Variants in PTPRQ observed in about 807,000 individuals in gnomAD.
PTPRQ encodes phosphatidylinositol phosphatase PTPRQ.
A neutral mutation model predicts 246.0 loss-of-function variants in PTPRQ; 199 were observed. The ratio of observed to expected loss-of-function variants is 0.81; its 90% CI spans 0.72 to 0.91. PTPRQ has a LOEUF of 0.91. Ranked by LOEUF, PTPRQ falls within the 40% of genes least tolerant of loss-of-function variation. PTPRQ has a pLI of 0.00. For missense variants in PTPRQ, 2,624 were observed against 2,528.4 expected, an observed-to-expected ratio of 1.04 and a Z score of -0.81; for synonymous variants, 869 against 853.2, an observed-to-expected ratio of 1.02 and a Z score of -0.32.
At chr12:80,508,778 A>G (rs1331011104) in intron 16 of PTPRQ, among the ~76,000 whole-genome samples, 3 of 152,102 alleles carry the variant, frequency 2.0e-5, no homozygotes, top group African/African-American at 7.2e-5. Context: ...CATGTTAATT[A>G]CGTTTACTTA....
chr12:80,628,400 T>C (rs1899287139), intron 33 of PTPRQ, among the ~76,000 whole-genome samples: 1 of 152,148 alleles, frequency 6.6e-6, no homozygotes, highest in Non-Finnish European at 1.5e-5. Flanking sequence ...GACAAAAAGA[T>C]GAAGCATTAA....
chr12:80,454,562 C>G (rs1206218978), intron 3 of PTPRQ: 1 of 702,260 alleles, frequency 1.4e-6, no homozygotes, highest in Non-Finnish European at 2.6e-6. Flanking sequence ...TAGGGATAAT[C>G]CTTTAAACTT....
intron 25 of PTPRQ, among the ~76,000 whole-genome samples, chr12:80,565,487 TC>T (rs1896949892): frequency 6.6e-6 from 1 of 152,158 alleles, no homozygotes; most frequent in South Asian, 2.1e-4. Context: ...ATCAACCTCC[TC>T]CCCTATTTTT....
At chr12:80,661,633 G>T (rs1030083220) in intron 39 of PTPRQ, among the ~76,000 whole-genome samples, 2 of 151,440 alleles carry the variant, frequency 1.3e-5, no homozygotes, top group Non-Finnish European at 3.0e-5. Flanking sequence ...AGCAATTGAG[G>T]GTGTTTGCAG....
intron 23 of PTPRQ, 39 bp downstream of exon 23, chr12:80,542,920 T>C: frequency 7.9e-7 from 1 of 1,265,100 alleles, no homozygotes; most frequent in Non-Finnish European, 1.0e-6. Flanking sequence ...TTTTTAAAAA[T>C]CAGAAATTGA....
At chr12:80,551,842 T>G (rs1006571138) in intron 25 of PTPRQ, among the ~76,000 whole-genome samples, 2 of 151,976 alleles carry the variant, frequency 1.3e-5, no homozygotes. Flanking sequence ...AGAAAACATT[T>G]ATTAAACATC....
At chr12:80,535,122 TTTACC>T (rs1478742903) in intron 19 of PTPRQ, 85 bp downstream of exon 19, 3 of 1,301,438 alleles carry the variant, frequency 2.3e-6, no homozygotes, top group Non-Finnish European at 3.1e-6. Context: ...AAAGAAATTG[TTTACC>T]TTACATTGAT....
intron 25 of PTPRQ, among the ~76,000 whole-genome samples, chr12:80,585,490 A>G (rs1198356893): frequency 6.6e-6 from 1 of 152,146 alleles, no homozygotes; most frequent in East Asian, 1.9e-4. Context: ...TCAACACAGT[A>G]GCTAGAGTGA....
At chr12:80,538,617 T>A (rs1896057646) in intron 19 of PTPRQ, among the ~76,000 whole-genome samples, 2 of 152,210 alleles carry the variant, frequency 1.3e-5, no homozygotes, top group African/African-American at 4.8e-5. Context: ...GTAGTAAATC[T>A]TTTATTGCAC....
chr12:80,535,258 A>G (rs899075386), intron 19 of PTPRQ, among the ~76,000 whole-genome samples: 7 of 152,084 alleles, frequency 4.6e-5, no homozygotes, highest in Non-Finnish European at 7.4e-5. Context: ...TACAACTTCT[A>G]TATAAGCTTC....
At chr12:80,602,865 T>TA (rs1898189274) in intron 26 of PTPRQ, among the ~76,000 whole-genome samples, 1 of 151,796 alleles carries the variant, frequency 6.6e-6, no homozygotes, top group Non-Finnish European at 1.5e-5. Flanking sequence ...TGCAAGAAAT[T>TA]ATCTGCAATT....
chr12:80,524,673 A>C (rs944297351), intron 17 of PTPRQ, among the ~76,000 whole-genome samples: 1 of 152,074 alleles, frequency 6.6e-6, no homozygotes, highest in African/African-American at 2.4e-5. Context: ...ACCGTGTACT[A>C]GTTACCATTT....
At position 80,610,560 on chromosome 12, in the gene PTPRQ, A is replaced by G. The variant is rs1185699748; in HGVS notation, c.4853A>G (p.Asn1618Ser). The G allele has an allele frequency of 9.1e-6, 14 of 1,543,712 alleles. No homozygotes were observed. Among genetic ancestry groups the G allele is most frequent in the South Asian group, 1.2e-5 (1 of 83,748 alleles). The change falls in exon 28 of 45, where the codon AAC (asparagine) becomes AGC (serine). Residue 1618 changes from asparagine to serine, a missense_variant. By Grantham distance (46) the Asn-to-Ser change is conservative. Coordinates refer to ENST00000644991, the MANE Select transcript of PTPRQ (RefSeq NM_001145026.2). ...YSVVITAFTG[N>S]ISAAYVEGKS... ...GTAGTGATCACTGCATTTACTGGGAACATTAGTGCTGCATATGTAGAAGGG... is the reference window on the plus strand; with the variant it reads ...GTAGTGATCACTGCATTTACTGGGAGCATTAGTGCTGCATATGTAGAAGGG...
chr12:80,628,336 G>A lies in PTPRQ; in HGVS notation c.5687-3856G>A, dbSNP rs12318205. On this transcript the variant is annotated intron_variant, in intron 33 of 44. Coordinates refer to ENST00000644991, the MANE Select transcript of PTPRQ (RefSeq NM_001145026.2). ...AGTATTTATTCAAATCCACCATGCA[G>A]GATAGCCACAGGAACTCTTTTATAT... Among the ~76,000 whole-genome samples the A allele has an allele frequency of 7.2e-3, 1,103 of 152,202 alleles. 18 individuals carry two copies. Among genetic ancestry groups the A allele is most frequent in the African/African-American group, 0.025 (1,028 of 41,540 alleles).
chr12:80,634,921 T>G (rs578052824), intron 34 of PTPRQ, 24 bp from the exon 35 acceptor site: 3 of 1,546,902 alleles, frequency 1.9e-6, no homozygotes, highest in Admixed American at 4.0e-5. Flanking sequence ...ACTCCCTTCT[T>G]GGACTTTACT....
In PTPRQ at chr12:80,496,066, G is replaced by T; in HGVS notation, c.1950G>T (p.Leu650Phe). 6.5e-7 allele frequency: 1 copy of T among 1,549,486 alleles called. No homozygotes were observed. Among genetic ancestry groups the T allele is most frequent in the South Asian group, 1.2e-5 (1 of 83,638 alleles). ...AASTHVGESSLSEENDIFVRT... is the reference protein window; with the variant it reads ...AASTHVGESSFSEENDIFVRT... ...CAACCCACGTTGGAGAAAGTTCTTT[G>T]TCTGAAGAAAATGACATCTTTGTGA... Residue 650 changes from leucine to phenylalanine, a missense_variant, in exon 13 of 45, where the codon TTG becomes TTT. Physicochemically the swap from Leu to Phe is conservative, Grantham distance 22 (BLOSUM62 0). Coordinates refer to ENST00000644991, the MANE Select transcript of PTPRQ (RefSeq NM_001145026.2).
intron 26 of PTPRQ, among the ~76,000 whole-genome samples, chr12:80,595,005 A>G (rs1177469100): frequency 2.0e-5 from 3 of 152,172 alleles, no homozygotes; most frequent in Non-Finnish European, 2.9e-5. Context: ...AAGGTCACTT[A>G]TGATTTGGTT....
chr12:80,621,505 T>G (rs1898988484), intron 32 of PTPRQ, among the ~76,000 whole-genome samples: 1 of 151,992 alleles, frequency 6.6e-6, no homozygotes, highest in Non-Finnish European at 1.5e-5. Context: ...CTTTTTGTAA[T>G]TTTTAAGCTT....
chr12:80,562,410 T>C (rs190272044), intron 25 of PTPRQ, among the ~76,000 whole-genome samples: 47 of 152,328 alleles, frequency 3.1e-4, no homozygotes, highest in African/African-American at 1.1e-3. Context: ...AACTTAGAGA[T>C]GTCTTTTTGG....
Sources: gnomAD v4.1 joint callset for allele counts (sites outside exome capture counted in the v4.1 genomes callset) on GRCh38, gnomAD v4.1.1 for gene constraint, MANE v1.5 for transcripts, NCBI Gene and HGNC (gene_info 2026-07-23, HGNC 2026-07-21) for gene names.